Variants in ERICH6B observed in about 807,000 individuals in gnomAD.
ERICH6B encodes glutamate rich 6B.
Under a neutral mutation model 80.0 loss-of-function variants are expected in ERICH6B, and 69 were observed. That is an observed-to-expected ratio of 0.86 (90% CI 0.71 to 1.05). The LOEUF (loss-of-function observed/expected upper bound fraction) is 1.05. Ranked by LOEUF, ERICH6B falls within the 50% of genes least tolerant of loss-of-function variation. The pLI, the probability that ERICH6B is intolerant of heterozygous loss-of-function variation, is 0.00. For missense variants in ERICH6B, 754 were observed against 796.1 expected (o/e 0.95, Z 0.64); for synonymous variants, 283 against 291.9 (o/e 0.97, Z 0.31).
Position 45,541,637 on chromosome 13 carries a change from A to G in ERICH6B, c.1916T>C (p.Ile639Thr), listed in dbSNP as rs952935067. ...EVLSEMKKKT[I>T]LEAEPGPTAQ... ...TGTTGGGCCGGGTTCTGCCTCCAGG[A>G]TGGTTTTCTTCTTCATTTCGCTCAG... The change falls in exon 15 of 15, where the codon ATC (isoleucine) becomes ACC (threonine). Residue 639 changes from isoleucine (I) to threonine (T), a missense_variant. By Grantham distance (89) the Ile-to-Thr change is moderately conservative. Coordinates refer to ENST00000298738, the MANE Select transcript of ERICH6B (RefSeq NM_182542.3). 1 of 1,551,028 alleles carries G rather than the reference A, an allele frequency of 6.4e-7. No individual in the cohort carries two copies. Among genetic ancestry groups the G allele is most frequent in the Admixed American group, 2.0e-5 (1 of 50,952 alleles).
intron 10 of ERICH6B, among the ~76,000 whole-genome samples, chr13:45,562,487 G>A (rs1874726237): frequency 6.6e-6 from 1 of 152,208 alleles, no homozygotes. Context: ...CTTTTGATAA[G>A]TGCTTAACAG....
intron 4 of ERICH6B, among the ~76,000 whole-genome samples, chr13:45,587,607 C>T (rs1593321066): frequency 6.6e-6 from 1 of 152,306 alleles, no homozygotes; most frequent in Non-Finnish European, 1.5e-5. Flanking sequence ...GGAAAAGATA[C>T]TGAATTAGAT....
At chr13:45,550,400 A>G (rs1342869295) in intron 11 of ERICH6B, 84 bp from the exon 12 acceptor site, 1 of 1,145,706 alleles carries the variant, frequency 8.7e-7, no homozygotes, top group Non-Finnish European at 1.3e-6. Flanking sequence ...TGTGGACCCC[A>G]TCTGCTTGCT....
At chr13:45,566,600 C>A (rs1874924792) in intron 9 of ERICH6B, among the ~76,000 whole-genome samples, 1 of 152,252 alleles carries the variant, frequency 6.6e-6, no homozygotes, top group African/African-American at 2.4e-5. Context: ...TTGGCAGCTA[C>A]CACATGATGT....
At chr13:45,560,462 A>G (rs562661034) in intron 11 of ERICH6B, among the ~76,000 whole-genome samples, 34 of 152,254 alleles carry the variant, frequency 2.2e-4, no homozygotes, top group African/African-American at 8.2e-4. Context: ...ACACTGACAA[A>G]CCATTATCAC....
intron 3 of ERICH6B, among the ~76,000 whole-genome samples, chr13:45,594,783 T>G (rs1876295749): frequency 6.6e-6 from 1 of 152,184 alleles, no homozygotes; most frequent in Admixed American, 6.5e-5. Context: ...ATGCTTGTAG[T>G]TGGTAGCAGA....
intron 8 of ERICH6B, among the ~76,000 whole-genome samples, chr13:45,573,256 A>G (rs919741308): frequency 6.6e-6 from 1 of 152,216 alleles, no homozygotes; most frequent in African/African-American, 2.4e-5. Flanking sequence ...TACAAGATGT[A>G]ATGGAATACC....
At chr13:45,547,651 G>C (rs545661164) in intron 13 of ERICH6B, among the ~76,000 whole-genome samples, 2 of 152,320 alleles carry the variant, frequency 1.3e-5, no homozygotes, top group East Asian at 3.9e-4. Flanking sequence ...TACATGCCCT[G>C]TCATAAACAT....
rs566479538 is a variant in ERICH6B, at chr13:45,567,075, C to T, written c.1187+1240G>A. Among the ~76,000 whole-genome samples the T allele has an allele frequency of 4.6e-5, 7 of 152,338 alleles. No individual in the cohort carries two copies. The South Asian group carries it at 1.2e-3, about 27-fold the overall frequency. ...GGAACTTTAGGGTTTAATGACTGTCCTATTGGATTTTGGACTTTCATGGGG... is the reference window on the plus strand; with the variant it reads ...GGAACTTTAGGGTTTAATGACTGTCTTATTGGATTTTGGACTTTCATGGGG... On this transcript the variant is annotated intron_variant, in intron 9 of 14. Transcript: ENST00000298738.
In ERICH6B at chr13:45,563,720, T is replaced by C; in HGVS notation, c.1249+7A>G. 1 of 1,552,050 alleles carries C rather than the reference T, an allele frequency of 6.4e-7. No individual in the cohort carries two copies. Among genetic ancestry groups the C allele is most frequent in the Non-Finnish European group, 8.7e-7 (1 of 1,146,924 alleles). On this transcript the variant is annotated splice_region_variant and intron_variant, in intron 10 of 14. Transcript: ENST00000298738. ...CACGTGGTGGAAAATGGTGGAGTGG[T>C]GCCTACCTTCACGTCTCCTCTTAAT...
Position 45,549,879 on chromosome 13 carries a change from T to C in ERICH6B, c.1646+14A>G, listed in dbSNP as rs1015701. On this transcript the variant is annotated intron_variant, in intron 13 of 14. Transcript: ENST00000298738. ...CATGGGCAGGAGTGTTAGGGACTCA[T>C]GACCCAAGCTTACCAGATATCACTA... 9.9e-5 allele frequency: 153 copies of C among 1,547,884 alleles called. 1 individual carries two copies. In the Admixed American group the frequency reaches 2.5e-3, roughly 26 times the overall value.
intron 3 of ERICH6B, among the ~76,000 whole-genome samples, chr13:45,595,108 C>T (rs932429397): frequency 1.3e-5 from 2 of 152,142 alleles, no homozygotes; most frequent in African/African-American, 4.8e-5. Flanking sequence ...TAAAATGATT[C>T]CTTTAAGGGG....
intron 9 of ERICH6B, among the ~76,000 whole-genome samples, chr13:45,565,875 G>A (rs1179525345): frequency 6.6e-6 from 1 of 152,230 alleles, no homozygotes; most frequent in South Asian, 2.1e-4. Flanking sequence ...TTGGAACTAG[G>A]TAACAGGCAG....
At position 45,577,754 on chromosome 13, in the gene ERICH6B, G is replaced by C. The variant is rs560080959; in HGVS notation, c.961+2179C>G. ...ATTACAGGCACACACCACCATGCCTGATTAATTTTTAAATTTTTTGTAGAG... is the reference window on the plus strand; with the variant it reads ...ATTACAGGCACACACCACCATGCCTCATTAATTTTTAAATTTTTTGTAGAG... On this transcript the variant is annotated intron_variant, in intron 7 of 14. Coordinates refer to ENST00000298738, the MANE Select transcript of ERICH6B (RefSeq NM_182542.3). Among the ~76,000 whole-genome samples the C allele has an allele frequency of 2.6e-5, 4 of 152,246 alleles. No individual in the cohort carries two copies. The South Asian group carries it at 8.3e-4, about 32-fold the overall frequency.
intron 7 of ERICH6B, among the ~76,000 whole-genome samples, chr13:45,578,862 G>T (rs898505718): frequency 6.6e-6 from 1 of 152,208 alleles, no homozygotes; most frequent in Non-Finnish European, 1.5e-5. Flanking sequence ...GACAATCCTG[G>T]TCAACAGAGT....
At chr13:45,542,554 C>G (rs1017421611) in intron 14 of ERICH6B, among the ~76,000 whole-genome samples, 1 of 152,220 alleles carries the variant, frequency 6.6e-6, no homozygotes, top group South Asian at 2.1e-4. Context: ...AGGCGTCAGG[C>G]CCCCTGGTCT....
At chr13:45,599,696 T>G (rs929707180) in intron 2 of ERICH6B, among the ~76,000 whole-genome samples, 1 of 152,150 alleles carries the variant, frequency 6.6e-6, no homozygotes, top group Non-Finnish European at 1.5e-5. Context: ...ACAGTTTCAG[T>G]TTGATTATAT....
chr13:45,598,576 C>A (rs1876499986), intron 2 of ERICH6B, among the ~76,000 whole-genome samples: 1 of 152,120 alleles, frequency 6.6e-6, no homozygotes, highest in Admixed American at 6.5e-5. Flanking sequence ...GCAAATGCAG[C>A]ATGAGTCCAA....
In ERICH6B at chr13:45,578,224, A is replaced by G. The variant is rs572452252; in HGVS notation, c.961+1709T>C. ...CTGACCCATCTTTAGCAAGAATCCC[A>G]TTAGGTTGGTTTACTCAGAATTCCC... On this transcript the variant is annotated intron_variant, in intron 7 of 14. Transcript: ENST00000298738. Among the ~76,000 whole-genome samples the G allele has an allele frequency of 5.3e-5, 8 of 152,274 alleles. No individual in the cohort carries two copies. The South Asian group carries it at 1.7e-3, about 32-fold the overall frequency.
Sources: gnomAD v4.1 joint callset for allele counts (sites outside exome capture counted in the v4.1 genomes callset) on GRCh38, gnomAD v4.1.1 for gene constraint, MANE v1.5 for transcripts, NCBI Gene and HGNC (gene_info 2026-07-23, HGNC 2026-07-21) for gene names.